Variants in ROBO1 observed in about 807,000 individuals in gnomAD.
ROBO1 encodes roundabout homolog 1.
Under a neutral mutation model 195.9 loss-of-function variants are expected in ROBO1, and 149 were observed. The observed-to-expected ratio is 0.76, with a 90% CI of 0.67 to 0.87. The LOEUF (loss-of-function observed/expected upper bound fraction) is 0.87. Among genes scored for constraint, ROBO1 ranks in the 40% least tolerant of loss-of-function variants. ROBO1 has a pLI of 0.00. For synonymous variants in ROBO1, 816 were observed against 733.2 expected (o/e 1.11, Z -1.82); for missense variants, 1,933 against 2,068.3 (o/e 0.93, Z 1.27).
intron 1 of ROBO1, among the ~76,000 whole-genome samples, chr3:79,631,588 T>G (rs994446016): frequency 2.0e-5 from 3 of 152,154 alleles, no homozygotes; most frequent in African/African-American, 7.2e-5. Flanking sequence ...AAAAAATTTA[T>G]GACTTGGCCT....
At chr3:78,721,452 C>T (rs3773230) in intron 5 of ROBO1, among the ~76,000 whole-genome samples, 8 of 152,016 alleles carry the variant, frequency 5.3e-5, no homozygotes, top group Admixed American at 4.6e-4. Context: ...GATAGCACGC[C>T]GAGCCTCTTC....
intron 2 of ROBO1, among the ~76,000 whole-genome samples, chr3:79,213,919 G>A (rs1306859103): frequency 6.7e-6 from 1 of 148,520 alleles, no homozygotes; most frequent in African/African-American, 2.5e-5. Context: ...TCTGCCTCCC[G>A]GGTTCAAGAG....
intron 2 of ROBO1, among the ~76,000 whole-genome samples, chr3:79,402,069 C>T (rs922190090): frequency 6.6e-6 from 1 of 151,540 alleles, no homozygotes; most frequent in African/African-American, 2.4e-5. Flanking sequence ...AGCTACTGTT[C>T]AGTGTGTTTT....
At chr3:79,159,935 T>A (rs1455287282) in intron 2 of ROBO1, among the ~76,000 whole-genome samples, 1 of 151,968 alleles carries the variant, frequency 6.6e-6, no homozygotes, top group East Asian at 1.9e-4. Flanking sequence ...TGAATCTGAG[T>A]GCATGCAAAG....
chr3:78,862,449 C>T (rs1287246342), intron 4 of ROBO1, among the ~76,000 whole-genome samples: 1 of 152,164 alleles, frequency 6.6e-6, no homozygotes, highest in East Asian at 1.9e-4. Flanking sequence ...TCTTATCAGA[C>T]CCTAAGCAAA....
At chr3:78,648,341 A>G (rs937906316) in intron 19 of ROBO1, among the ~76,000 whole-genome samples, 10 of 152,102 alleles carry the variant, frequency 6.6e-5, no homozygotes, top group African/African-American at 2.4e-4. Context: ...AAAAAACTGG[A>G]GTTTTAAATT....
intron 10 of ROBO1, among the ~76,000 whole-genome samples, chr3:78,681,642 C>T (rs896373758): frequency 6.6e-6 from 1 of 152,122 alleles, no homozygotes; most frequent in Non-Finnish European, 1.5e-5. Flanking sequence ...CGGTGGCTCA[C>T]GCCTGTAATC....
chr3:79,241,330 A>T (rs1372872969), intron 2 of ROBO1, among the ~76,000 whole-genome samples: 1 of 152,204 alleles, frequency 6.6e-6, no homozygotes. Context: ...CTATGTTCCT[A>T]TATGTTTAGA....
intron 3 of ROBO1, among the ~76,000 whole-genome samples, chr3:79,117,508 C>T (rs1401167663): frequency 6.6e-6 from 1 of 152,092 alleles, no homozygotes; most frequent in Non-Finnish European, 1.5e-5. Context: ...TCTGAGTGAC[C>T]ATGTTGAATA....
At chr3:78,928,608 A>T (rs1322182857) in intron 4 of ROBO1, among the ~76,000 whole-genome samples, 1 of 152,182 alleles carries the variant, frequency 6.6e-6, no homozygotes, top group Non-Finnish European at 1.5e-5. Flanking sequence ...CTGGTCATAT[A>T]AATATTGTTC....
chr3:78,646,394 A>G (rs1481121032), intron 20 of ROBO1, among the ~76,000 whole-genome samples: 2 of 150,322 alleles, frequency 1.3e-5, no homozygotes, highest in Non-Finnish European at 3.0e-5. Flanking sequence ...CATATCATAT[A>G]TCTAATTATA....
At chr3:79,085,812 TCTC>T (rs1045293370) in intron 3 of ROBO1, among the ~76,000 whole-genome samples, 5 of 152,254 alleles carry the variant, frequency 3.3e-5, no homozygotes, top group East Asian at 1.9e-4. Context: ...AAAGTTTAGA[TCTC>T]CTGTAGTCTA....
intron 2 of ROBO1, among the ~76,000 whole-genome samples, chr3:79,528,600 A>G (rs1941528870): frequency 6.6e-6 from 1 of 152,182 alleles, no homozygotes; most frequent in Non-Finnish European, 1.5e-5. Context: ...TTTAGTGCTT[A>G]CTAGTGTCTG....
chr3:79,181,813 C>A (rs990311189), intron 2 of ROBO1, among the ~76,000 whole-genome samples: 7 of 151,242 alleles, frequency 4.6e-5, no homozygotes, highest in African/African-American at 1.7e-4. Context: ...GTAGTCCCAG[C>A]TACTTGGGAG....
At chr3:79,582,536 G>C (rs995013715) in intron 2 of ROBO1, among the ~76,000 whole-genome samples, 1 of 151,918 alleles carries the variant, frequency 6.6e-6, no homozygotes, top group African/African-American at 2.4e-5. Context: ...ATTTACAAGA[G>C]AAACTTGCAA....
chr3:79,303,374 C>T (rs1350996017), intron 2 of ROBO1, among the ~76,000 whole-genome samples: 1 of 152,052 alleles, frequency 6.6e-6, no homozygotes, highest in Non-Finnish European at 1.5e-5. Flanking sequence ...CCACGTTGGC[C>T]AGGCTGCTCT....
chr3:78,613,041 A>G (rs951720600), intron 28 of ROBO1, among the ~76,000 whole-genome samples: 7 of 152,212 alleles, frequency 4.6e-5, no homozygotes, highest in African/African-American at 1.7e-4. Flanking sequence ...AACAAGTACT[A>G]CGGAACGTGG....
intron 2 of ROBO1, among the ~76,000 whole-genome samples, chr3:79,340,383 A>C (rs1203945385): frequency 6.6e-6 from 1 of 152,122 alleles, no homozygotes; most frequent in Non-Finnish European, 1.5e-5. Flanking sequence ...TAGCCTTTTC[A>C]GGTAAACTTG....
At chr3:79,150,671 A>C (rs1328015077) in intron 2 of ROBO1, among the ~76,000 whole-genome samples, 1 of 151,870 alleles carries the variant, frequency 6.6e-6, no homozygotes, top group Admixed American at 6.6e-5. Context: ...AAATAAAATA[A>C]AAAGTAAAGT....
Sources: gnomAD v4.1 joint callset for allele counts (sites outside exome capture counted in the v4.1 genomes callset) on GRCh38, gnomAD v4.1.1 for gene constraint, MANE v1.5 for transcripts, NCBI Gene and HGNC (gene_info 2026-07-23, HGNC 2026-07-21) for gene names.